The following BBS9 variants were observed in gnomAD, a reference collection of about 807,000 sequenced individuals.
BBS9 encodes the protein Bardet-Biedl syndrome 9, also known as protein PTHB1.
BBS9 carries 89 observed loss-of-function variants against 117.7 expected under a neutral mutation model. That is an observed-to-expected ratio of 0.76 (90% CI 0.64 to 0.90). The LOEUF is 0.90. Ranked by LOEUF, BBS9 falls within the 40% of genes least tolerant of loss-of-function variation. The probability of loss-of-function intolerance (pLI) is 0.00; values close to 1 mark genes in which losing one functional copy is unlikely to be tolerated. For synonymous variants in BBS9, 379 were observed against 370.9 expected (o/e 1.02, Z -0.25); for missense variants, 982 against 1,042.2 (o/e 0.94, Z 0.80).
intron 5 of BBS9, among the ~76,000 whole-genome samples, chr7:33,189,778 C>G (rs1161420413): frequency 6.6e-6 from 1 of 151,002 alleles, no homozygotes; most frequent in Non-Finnish European, 1.5e-5. Context: ...CCCAGCTACT[C>G]AGGAAGCTGA....
intron 19 of BBS9, among the ~76,000 whole-genome samples, chr7:33,457,981 C>T (rs1838892110): frequency 6.6e-6 from 1 of 152,104 alleles, no homozygotes; most frequent in Non-Finnish European, 1.5e-5. Flanking sequence ...AGGTTTGAGG[C>T]TTTTAATTTC....
At chr7:33,533,534 G>A (rs1209478078) in intron 20 of BBS9, among the ~76,000 whole-genome samples, 4 of 152,096 alleles carry the variant, frequency 2.6e-5, no homozygotes, top group Non-Finnish European at 5.9e-5. Context: ...CTCCTGGCCC[G>A]CTTTCCTTTA....
chr7:33,211,226 T>G (rs566788466), intron 5 of BBS9, among the ~76,000 whole-genome samples: 9 of 152,308 alleles, frequency 5.9e-5, no homozygotes, highest in African/African-American at 2.2e-4. Context: ...TTTTTCTGGT[T>G]GTTGTGTGGT....
intron 9 of BBS9, among the ~76,000 whole-genome samples, chr7:33,291,647 C>T (rs1245336543): frequency 1.3e-5 from 2 of 152,148 alleles, no homozygotes; most frequent in Admixed American, 1.3e-4. Context: ...ATTTGAACCT[C>T]CAAGTGATGC....
intron 20 of BBS9, among the ~76,000 whole-genome samples, chr7:33,528,255 A>T (rs1849974229): frequency 6.6e-6 from 1 of 152,080 alleles, no homozygotes; most frequent in Non-Finnish European, 1.5e-5. Context: ...CATTTCTGAG[A>T]GTCTTCTCTT....
chr7:33,173,571 TAAAA>T (rs3083580), intron 4 of BBS9, among the ~76,000 whole-genome samples: 1 of 120,204 alleles, frequency 8.3e-6, no homozygotes, highest in African/African-American at 3.3e-5. Context: ...GACTCCATCC[TAAAA>T]AAAAAAAAAA....
At chr7:33,260,077 G>A (rs1583936458) in intron 6 of BBS9, among the ~76,000 whole-genome samples, 1 of 149,800 alleles carries the variant, frequency 6.7e-6, no homozygotes, top group African/African-American at 2.5e-5. Context: ...TTGGCTCACT[G>A]CAACCTCTGC....
At chr7:33,491,395 G>A (rs1184750884) in intron 19 of BBS9, among the ~76,000 whole-genome samples, 1 of 152,108 alleles carries the variant, frequency 6.6e-6, no homozygotes, top group Non-Finnish European at 1.5e-5. Context: ...CAAGCAAAGG[G>A]CATTATGGAA....
At chr7:33,259,784 T>A (rs1287352308) in intron 6 of BBS9, among the ~76,000 whole-genome samples, 1 of 152,138 alleles carries the variant, frequency 6.6e-6, no homozygotes, top group Non-Finnish European at 1.5e-5. Context: ...TCCTTTGCCT[T>A]GCAGAATTAT....
chr7:33,370,296 T>TA (rs199639207), intron 17 of BBS9, among the ~76,000 whole-genome samples: 10,489 of 142,228 alleles, frequency 0.074, 397 homozygotes, highest in African/African-American at 0.091. Flanking sequence ...AGTCCCTATT[T>TA]AAAAAAAAAA....
intron 18 of BBS9, among the ~76,000 whole-genome samples, chr7:33,384,490 A>G (rs1009252949): frequency 6.6e-6 from 1 of 152,198 alleles, no homozygotes; most frequent in East Asian, 1.9e-4. Flanking sequence ...GGGACTAGCC[A>G]AATATTTGTT....
Position 33,388,138 on chromosome 7 carries a change from C to T in BBS9, c.2109C>T (p.Tyr703=). 2 of 1,614,082 alleles carry T rather than the reference C, an allele frequency of 1.2e-6. No homozygotes were observed. The highest frequency in any genetic ancestry group is 1.7e-6 in the Non-Finnish European group (2 of 1,179,954). ...TGGACACCTTGTTAGATGGAACCTA[C>T]AAGCAGGTCAGTATAATATCAGTAA... is the stretch of plus-strand genomic sequence containing the variant. ...QHLDTLLDGT[Y]KQVIALADAV... is the part of the protein sequence containing the mutation. Residue 703 remains tyrosine (Y), a synonymous_variant, in exon 19 of 23, where the codon TAC becomes TAT. Transcript: ENST00000242067.
intron 16 of BBS9, among the ~76,000 whole-genome samples, chr7:33,360,479 G>A (rs1246429534): frequency 1.3e-5 from 2 of 151,224 alleles, no homozygotes; most frequent in Non-Finnish European, 2.9e-5. Flanking sequence ...ATAGCTATCT[G>A]GGGTGCTTCT....
intron 19 of BBS9, among the ~76,000 whole-genome samples, chr7:33,478,680 T>A (rs1842117376): frequency 6.6e-6 from 1 of 152,128 alleles, no homozygotes; most frequent in Non-Finnish European, 1.5e-5. Flanking sequence ...TTTTTTTTAC[T>A]TGAGAGGTGG....
chr7:33,371,785 GA>G (rs1403487383), intron 17 of BBS9, among the ~76,000 whole-genome samples: 1 of 152,106 alleles, frequency 6.6e-6, no homozygotes, highest in Non-Finnish European at 1.5e-5. Flanking sequence ...AGGCATTGTG[GA>G]ATTTCCATCT....
chr7:33,404,104 C>G (rs1279959927), intron 19 of BBS9, among the ~76,000 whole-genome samples: 2 of 152,088 alleles, frequency 1.3e-5, no homozygotes, highest in African/African-American at 4.8e-5. Flanking sequence ...ATAGGGAATC[C>G]TTTCCCCATT....
chr7:33,188,464 C>T (rs1018815882), intron 5 of BBS9, among the ~76,000 whole-genome samples: 6 of 152,176 alleles, frequency 3.9e-5, no homozygotes, highest in African/African-American at 7.2e-5. Context: ...TAGCTACCAG[C>T]TGATCTTTAA....
At chr7:33,405,958 TC>T (rs200435986) in intron 19 of BBS9, among the ~76,000 whole-genome samples, 44,099 of 151,956 alleles carry the variant, frequency 0.29, 6,766 homozygotes, top group African/African-American at 0.39. Context: ...TTTGGATCTT[TC>T]CTGCTTTCTC....
At chr7:33,496,488 G>C (rs1585027090) in intron 19 of BBS9, among the ~76,000 whole-genome samples, 1 of 150,634 alleles carries the variant, frequency 6.6e-6, no homozygotes, top group African/African-American at 2.4e-5. Flanking sequence ...CTGGGTGACA[G>C]AGCAAGACTC....
Sources: allele counts gnomAD v4.1 joint callset (sites outside exome capture counted in the v4.1 genomes callset), GRCh38; gene constraint gnomAD v4.1.1; transcripts MANE v1.5; gene names NCBI Gene and HGNC (gene_info 2026-07-23, HGNC 2026-07-21).